Variants in PLCZ1 observed in about 807,000 individuals in gnomAD.
The protein encoded by PLCZ1 is phospholipase C zeta 1.
A neutral mutation model predicts 76.8 loss-of-function variants in PLCZ1; 64 were observed. The observed-to-expected ratio is 0.83, with a 90% CI of 0.68 to 1.03. The LOEUF (loss-of-function observed/expected upper bound fraction) is 1.03, where lower values mean the gene tolerates loss of function less well. Among genes scored for constraint, PLCZ1 ranks in the 50% least tolerant of loss-of-function variants. The pLI, the probability that PLCZ1 is intolerant of heterozygous loss-of-function variation, is 0.00. For synonymous variants in PLCZ1, 248 were observed against 230.8 expected (o/e 1.07, Z -0.68); for missense variants, 751 against 713.7 (o/e 1.05, Z -0.60).
the PLCZ1 span, among the ~76,000 whole-genome samples, chr12:18,659,895 A>C: frequency 2.6e-4 from 40 of 152,252 alleles, 1 homozygote; most frequent in African/African-American, 9.4e-4. Flanking sequence ...AGAAATGCTA[A>C]AGGGAGTCCT....
At chr12:18,731,140 G>A (rs1339914912) in intron 3 of PLCZ1, 1 of 151,938 alleles carries the variant, frequency 6.6e-6, no homozygotes, top group East Asian at 1.9e-4. Flanking sequence ...TGAGAGAAGT[G>A]GTTGTTGGAA....
Position 18,683,235 on chromosome 12 carries a change from G to T in PLCZ1, c.*4C>A. 6.2e-7 allele frequency: 1 copy of T among 1,610,794 alleles called. No homozygotes were observed. Among genetic ancestry groups the T allele is most frequent in the Non-Finnish European group, 8.5e-7 (1 of 1,177,518 alleles). On this transcript the variant is annotated 3_prime_UTR_variant, in exon 15 of 15. Coordinates refer to ENST00000266505, the MANE Select transcript of PLCZ1 (RefSeq NM_033123.4). Reference sequence around the variant, plus strand: ...GCTAATGATATGTCATTTATCATTAGCTGTTATCTGACGTACCAAACATAA... The same window carrying T: ...GCTAATGATATGTCATTTATCATTATCTGTTATCTGACGTACCAAACATAA...
At position 18,723,343 on chromosome 12, in the gene PLCZ1, T is replaced by G. The variant is rs752719993; in HGVS notation, c.335A>C (p.Glu112Ala). The G allele has an allele frequency of 6.2e-7, 1 of 1,612,550 alleles. No homozygotes were observed. The highest frequency in any genetic ancestry group is 8.5e-7 in the Non-Finnish European group (1 of 1,179,236). ...GATAGGCTCGTATTTCTGAATGATC[T>G]CAAAAGCAATAGCTTTACTCATCTC... ...AAEMSKAIAF[E>A]IIQKYEPIEE... is the part of the protein sequence containing the mutation. Residue 112 changes from glutamate to alanine, a missense_variant, in exon 4 of 15, where the codon GAG (glutamate) becomes GCG (alanine). Physicochemically the swap from Glu to Ala is moderately radical, Grantham distance 107. Coordinates refer to ENST00000266505, the MANE Select transcript of PLCZ1 (RefSeq NM_033123.4).
At chr12:18,709,712 C>G (rs1416566688) in intron 6 of PLCZ1, among the ~76,000 whole-genome samples, 1 of 151,878 alleles carries the variant, frequency 6.6e-6, no homozygotes, top group African/African-American at 2.4e-5. Flanking sequence ...CAATACCACA[C>G]CCCAAGGGAA....
At chr12:18,660,571 G>A in the PLCZ1 span, among the ~76,000 whole-genome samples, 60,170 of 151,956 alleles carry the variant, frequency 0.4, 14,065 homozygotes, top group South Asian at 0.59. Context: ...GTGCATGCCC[G>A]GAGAAAGGTA....
chr12:18,696,209 G>C lies in PLCZ1; in HGVS notation c.1232C>G (p.Thr411Arg). The C allele has an allele frequency of 6.2e-7, 1 of 1,601,380 alleles. No homozygotes were observed. Among genetic ancestry groups the C allele is most frequent in the South Asian group, 1.1e-5 (1 of 90,088 alleles). The change falls in exon 11 of 15, where the codon ACA (threonine) becomes AGA (arginine). Residue 411 changes from threonine to arginine, a missense_variant. By Grantham distance (71) the Thr-to-Arg change is moderately conservative (BLOSUM62 -1). Transcript: ENST00000266505. The part of the protein sequence containing the change: ...KFITRIYPKA[T>R]RADSSNFNPQ... ...ATTAAAATTAGAAGAGTCTGCTCTT[G>C]TTGCTTTGGGATATATTCTGGTAAT...
chr12:18,701,756 T>A lies in PLCZ1; in HGVS notation c.885A>T (p.Leu295Phe). The A allele has an allele frequency of 6.2e-7, 1 of 1,606,202 alleles. No homozygotes were observed. The highest frequency in any genetic ancestry group is 1.7e-5 in the Admixed American group (1 of 59,486). ...AGGTTCCTATTTTCTTATTTTTAAC[T>A]AATATTTTGAATTTTAGTGCCTAAG... ...PSPEALKFKI[L>F]VKNKKIGTLK... Residue 295 changes from leucine (L) to phenylalanine (F), a missense_variant, in exon 8 of 15, where the codon TTA becomes TTT. By Grantham distance (22) the Leu-to-Phe change is conservative (BLOSUM62 0). Transcript: ENST00000266505.
the PLCZ1 span, among the ~76,000 whole-genome samples, chr12:18,665,954 T>C: frequency 1.8e-4 from 27 of 149,142 alleles, no homozygotes; most frequent in Admixed American, 1.3e-4. Flanking sequence ...AAAAAACTAG[T>C]TGGGCGTGGT....
intron 3 of PLCZ1, among the ~76,000 whole-genome samples, chr12:18,730,708 A>G (rs542074938): frequency 6.6e-6 from 1 of 152,286 alleles, no homozygotes; most frequent in South Asian, 2.1e-4. Context: ...GCTTTTAAAT[A>G]TGACATGTAT....
At chr12:18,722,698 A>G (rs754076056) in intron 4 of PLCZ1, among the ~76,000 whole-genome samples, 4 of 152,098 alleles carry the variant, frequency 2.6e-5, no homozygotes, top group Non-Finnish European at 5.9e-5. Flanking sequence ...AGATGGAACA[A>G]AGATCACAAA....
the PLCZ1 span, among the ~76,000 whole-genome samples, chr12:18,655,829 T>C: frequency 4.8e-5 from 7 of 146,372 alleles, no homozygotes; most frequent in African/African-American, 1.8e-4. Context: ...CTCCTGAAAC[T>C]GTCAACATCA....
chr12:18,731,825 G>A (rs1420198384), intron 3 of PLCZ1, among the ~76,000 whole-genome samples: 3 of 151,942 alleles, frequency 2.0e-5, no homozygotes, highest in African/African-American at 4.8e-5. Context: ...CAGCTAAAAT[G>A]GCTTTTCCTA....
At chr12:18,648,821 G>T in the PLCZ1 span, among the ~76,000 whole-genome samples, 12 of 152,056 alleles carry the variant, frequency 7.9e-5, no homozygotes, top group African/African-American at 2.9e-4. Flanking sequence ...CACCTGCACA[G>T]TGGGTAAAAT....
chr12:18,689,469 C>T (rs1045230410), intron 12 of PLCZ1, among the ~76,000 whole-genome samples: 4 of 152,120 alleles, frequency 2.6e-5, no homozygotes, highest in African/African-American at 9.7e-5. Context: ...CATCAGCTAT[C>T]GTTAGTGTTA....
At chr12:18,650,510 A>C in the PLCZ1 span, among the ~76,000 whole-genome samples, 3,257 of 150,412 alleles carry the variant, frequency 0.022, 115 homozygotes, top group African/African-American at 0.075. Context: ...ATGAAAAAAA[A>C]TTAAGCTATT....
At chr12:18,698,744 C>T (rs1341838258) in intron 10 of PLCZ1, among the ~76,000 whole-genome samples, 2 of 152,070 alleles carry the variant, frequency 1.3e-5, no homozygotes, top group African/African-American at 4.8e-5. Flanking sequence ...AGTGGTGTAT[C>T]CATCACCCCA....
chr12:18,703,023 A>C (rs73346916), intron 7 of PLCZ1, among the ~76,000 whole-genome samples: 1 of 152,066 alleles, frequency 6.6e-6, no homozygotes, highest in African/African-American at 2.4e-5. Context: ...ATATGGAGCT[A>C]AAATTTGAAT....
intron 13 of PLCZ1, chr12:18,685,747 T>C: frequency 2.3e-6 from 1 of 433,160 alleles, no homozygotes; most frequent in East Asian, 6.2e-5. Flanking sequence ...GAAATGTTTA[T>C]ACTGATTTCT....
chr12:18,679,956 G>A (rs1417238384), downstream of PLCZ1, among the ~76,000 whole-genome samples: 4 of 152,044 alleles, frequency 2.6e-5, no homozygotes, highest in South Asian at 4.1e-4. Flanking sequence ...TTGGAATGAG[G>A]GTTTCCAGTG....
Sources: gnomAD v4.1 joint callset for allele counts (sites outside exome capture counted in the v4.1 genomes callset) on GRCh38, gnomAD v4.1.1 for gene constraint, MANE v1.5 for transcripts, NCBI Gene and HGNC (gene_info 2026-07-23, HGNC 2026-07-21) for gene names.